The following GPHN variants were observed in gnomAD, a reference collection of about 807,000 sequenced individuals.
GPHN encodes gephyrin.
A neutral mutation model predicts 95.5 loss-of-function variants in GPHN; 17 were observed. That is an observed-to-expected ratio of 0.18 (90% confidence interval 0.12 to 0.27). The LOEUF is 0.27. Among genes scored for constraint, GPHN ranks in the 10% least tolerant of loss-of-function variants. GPHN has a pLI of 1.00. For synonymous variants in GPHN, 320 were observed against 322.5 expected (o/e 0.99, Z 0.08); for missense variants, 660 against 978.1 (o/e 0.67, Z 4.34).
At chr14:66,851,993 A>G (rs1002696479) in intron 4 of GPHN, among the ~76,000 whole-genome samples, 1 of 152,208 alleles carries the variant, frequency 6.6e-6, no homozygotes, top group Non-Finnish European at 1.5e-5. Flanking sequence ...GGAATAACTG[A>G]GAATAAGGGT....
At chr14:67,443,312 C>T in the GPHN span, among the ~76,000 whole-genome samples, 9 of 152,222 alleles carry the variant, frequency 5.9e-5, no homozygotes, top group Non-Finnish European at 1.0e-4. Flanking sequence ...GACTTTTCTT[C>T]CAGCTAAGAA....
intron 18 of GPHN, among the ~76,000 whole-genome samples, chr14:67,152,687 C>T (rs376468265): frequency 1.3e-5 from 2 of 152,190 alleles, no homozygotes; most frequent in Non-Finnish European, 2.9e-5. Context: ...TGTTCACTGG[C>T]GGGGCGCGGT....
chr14:67,460,683 A>G, the GPHN span, among the ~76,000 whole-genome samples: 1 of 152,188 alleles, frequency 6.6e-6, no homozygotes, highest in South Asian at 2.1e-4. Flanking sequence ...CAGCCTGGGC[A>G]ACAGTGAGAC....
At chr14:67,400,652 A>C in the GPHN span, among the ~76,000 whole-genome samples, 1 of 151,944 alleles carries the variant, frequency 6.6e-6, no homozygotes, top group East Asian at 1.9e-4. Context: ...CAATTAAGTT[A>C]ATGGTAGGAG....
At chr14:67,263,237 A>T in the GPHN span, among the ~76,000 whole-genome samples, 1 of 152,196 alleles carries the variant, frequency 6.6e-6, no homozygotes, top group Non-Finnish European at 1.5e-5. Context: ...TAATTTGTCT[A>T]ATTGAAAAGA....
At chr14:67,703,826 C>T in the GPHN span, among the ~76,000 whole-genome samples, 1 of 151,970 alleles carries the variant, frequency 6.6e-6, no homozygotes, top group East Asian at 1.9e-4. Context: ...CAGGTGCATA[C>T]CACCGTGCCT....
the GPHN span, among the ~76,000 whole-genome samples, chr14:67,528,543 T>G: frequency 2.9e-4 from 44 of 152,300 alleles, no homozygotes; most frequent in African/African-American, 9.1e-4. Flanking sequence ...GCTTTAAAAC[T>G]AGGATGTTGC....
At chr14:67,279,414 A>C in the GPHN span, 8 of 1,614,080 alleles carry the variant, frequency 5.0e-6, no homozygotes, top group Non-Finnish European at 5.9e-6. Flanking sequence ...ACTTGACCTT[A>C]ATTCTTCCAT....
chr14:67,165,376 AG>A (rs1253700764), intron 20 of GPHN, 150 bp downstream of exon 20: 4 of 650,962 alleles, frequency 6.1e-6, no homozygotes, highest in Non-Finnish European at 8.2e-6. Context: ...CTCTCTAGGA[AG>A]TTTCTTCACC....
At chr14:66,935,654 G>A (rs561420756) in intron 8 of GPHN, among the ~76,000 whole-genome samples, 1 of 151,528 alleles carries the variant, frequency 6.6e-6, no homozygotes, top group African/African-American at 2.4e-5. Flanking sequence ...ATGTGTATAC[G>A]TGTGTTTATG....
intron 1 of GPHN, among the ~76,000 whole-genome samples, chr14:66,569,631 C>G (rs1434746578): frequency 6.6e-6 from 1 of 151,582 alleles, no homozygotes; most frequent in East Asian, 1.9e-4. Flanking sequence ...CCATTGCACA[C>G]CAGCCTAGGT....
the GPHN span, chr14:67,203,147 C>T: frequency 3.6e-5 from 58 of 1,613,868 alleles, no homozygotes; most frequent in South Asian, 3.0e-4. Context: ...ACTGGGTGAC[C>T]GTAGGCATCT....
the GPHN span, among the ~76,000 whole-genome samples, chr14:67,373,356 A>C: frequency 1.6e-4 from 24 of 152,238 alleles, no homozygotes; most frequent in Admixed American, 1.5e-3. Flanking sequence ...AAGAATGCTC[A>C]GAATCTGAAA....
chr14:67,600,282 C>T, the GPHN span: 1 of 1,259,252 alleles, frequency 7.9e-7, no homozygotes, highest in African/African-American at 1.6e-5. Flanking sequence ...CGCTCCAGAC[C>T]CGCTTCCGGC....
chr14:67,392,093 A>G, the GPHN span, among the ~76,000 whole-genome samples: 1 of 152,164 alleles, frequency 6.6e-6, no homozygotes, highest in Non-Finnish European at 1.5e-5. Flanking sequence ...GTGTGTGTGT[A>G]GTACATTTTT....
At chr14:66,968,471 C>A (rs985741765) in intron 9 of GPHN, among the ~76,000 whole-genome samples, 3 of 152,056 alleles carry the variant, frequency 2.0e-5, no homozygotes, top group Non-Finnish European at 4.4e-5. Context: ...CCATAGAAAT[C>A]CTTTCTACAT....
chr14:66,833,002 G>A (rs577846692), intron 4 of GPHN, among the ~76,000 whole-genome samples: 6 of 152,116 alleles, frequency 3.9e-5, no homozygotes, highest in Admixed American at 3.3e-4. Context: ...TTCACTTTAC[G>A]TAGAAGGATG....
the GPHN span, among the ~76,000 whole-genome samples, chr14:67,460,340 T>A: frequency 2.0e-5 from 3 of 152,186 alleles, no homozygotes; most frequent in African/African-American, 4.8e-5. Context: ...TATCCTCAGT[T>A]TGTTATCTGT....
intron 8 of GPHN, among the ~76,000 whole-genome samples, chr14:66,963,129 C>T (rs2069070067): frequency 2.0e-5 from 3 of 151,998 alleles, no homozygotes; most frequent in African/African-American, 7.2e-5. Context: ...ACTCAAATTA[C>T]TACCTCCATT....
Sources: allele counts gnomAD v4.1 joint callset (sites outside exome capture counted in the v4.1 genomes callset), GRCh38; gene constraint gnomAD v4.1.1; transcripts MANE v1.5; gene names NCBI Gene and HGNC (gene_info 2026-07-23, HGNC 2026-07-21).